Variants in SLC24A2 observed in about 807,000 individuals in gnomAD.
SLC24A2 encodes solute carrier family 24 member 2, also known as sodium/potassium/calcium exchanger 2.
A neutral mutation model predicts 62.0 loss-of-function variants in SLC24A2; 36 were observed. The ratio of observed to expected loss-of-function variants is 0.58; its 90% CI spans 0.44 to 0.77. The LOEUF is 0.77. SLC24A2 is among the 30% of genes least tolerant of loss of function. SLC24A2 has a pLI of 0.00. For synonymous variants in SLC24A2, 358 were observed against 294.0 expected (o/e 1.22, Z -2.23); for missense variants, 846 against 817.9 (o/e 1.03, Z -0.42).
the SLC24A2 span, among the ~76,000 whole-genome samples, chr9:19,889,541 T>C: frequency 2.0e-5 from 3 of 152,202 alleles, no homozygotes; most frequent in Admixed American, 2.0e-4. Flanking sequence ...TCTTCCCCTA[T>C]TGTCTTTTCA....
At chr9:20,001,462 C>T in the SLC24A2 span, among the ~76,000 whole-genome samples, 12 of 152,314 alleles carry the variant, frequency 7.9e-5, 1 homozygote, top group East Asian at 1.2e-3. Context: ...AAATCATTCT[C>T]GCCCAATCTG....
At chr9:19,849,598 T>C in the SLC24A2 span, among the ~76,000 whole-genome samples, 155 of 152,316 alleles carry the variant, frequency 1.0e-3, 1 homozygote, top group East Asian at 0.018. Flanking sequence ...AAAAATGAAA[T>C]GCATTATTGT....
At chr9:20,032,999 G>T in the SLC24A2 span, among the ~76,000 whole-genome samples, 1 of 152,332 alleles carries the variant, frequency 6.6e-6, no homozygotes, top group Non-Finnish European at 1.5e-5. Context: ...TGGTGAATCA[G>T]ATATTCAACA....
At chr9:20,265,723 G>A in the SLC24A2 span, among the ~76,000 whole-genome samples, 5 of 152,252 alleles carry the variant, frequency 3.3e-5, no homozygotes, top group Non-Finnish European at 1.5e-5. Flanking sequence ...GAACAAGAGA[G>A]ATAACCTTAA....
the SLC24A2 span, among the ~76,000 whole-genome samples, chr9:20,180,890 C>T: frequency 1.3e-5 from 2 of 152,186 alleles, no homozygotes; most frequent in South Asian, 2.1e-4. Flanking sequence ...GCTGTTTCTT[C>T]CCCGTTTCTC....
At chr9:19,779,904 T>C (rs1822960145) in intron 2 of SLC24A2, among the ~76,000 whole-genome samples, 2 of 149,132 alleles carry the variant, frequency 1.3e-5, no homozygotes, top group South Asian at 4.3e-4. Flanking sequence ...GTAAAAAAAG[T>C]ACAGAAAAAT....
rs949032234 is a variant in SLC24A2 at position 19,510,237 on chromosome 9, A to G, written c.*5916T>C. 4 of 152,116 alleles carry G rather than the reference A, an allele frequency of 2.6e-5. No individual in the cohort carries two copies. The highest frequency in any genetic ancestry group is 9.7e-5 in the African/African-American group (4 of 41,406). The allele number at this position is 152,116 out of a possible 1,614,324, so 9.4% of individuals were successfully genotyped here. On this transcript the variant is annotated 3_prime_UTR_variant, in exon 11 of 11. Transcript: ENST00000341998. ...CAGACAGTGATTATCATTAGTCATA[A>G]GGTTCCATCATTTAAGAACAATATA...
the SLC24A2 span, among the ~76,000 whole-genome samples, chr9:20,061,150 A>C: frequency 3.7e-4 from 56 of 152,336 alleles, no homozygotes; most frequent in African/African-American, 1.2e-3. Context: ...ACCTAAAATA[A>C]AGCAATTTTG....
chr9:19,684,602 C>T (rs1587148567), intron 2 of SLC24A2, among the ~76,000 whole-genome samples: 1 of 152,044 alleles, frequency 6.6e-6, no homozygotes, highest in Non-Finnish European at 1.5e-5. Flanking sequence ...TTAAGGGTTT[C>T]AGGGTAGTGA....
At chr9:19,556,836 G>A (rs951504789) in intron 7 of SLC24A2, among the ~76,000 whole-genome samples, 7 of 152,180 alleles carry the variant, frequency 4.6e-5, no homozygotes. Flanking sequence ...TTATTGCAAG[G>A]CAGAGCTCAT....
At chr9:19,538,661 TTC>T (rs1260883174) in intron 8 of SLC24A2, among the ~76,000 whole-genome samples, 10 of 126,998 alleles carry the variant, frequency 7.9e-5, no homozygotes, top group Admixed American at 7.5e-4. Flanking sequence ...TGGTGTAAAA[TTC>T]TCTTTTTTGG....
the SLC24A2 span, among the ~76,000 whole-genome samples, chr9:19,897,377 G>A: frequency 6.6e-6 from 1 of 151,820 alleles, no homozygotes; most frequent in Non-Finnish European, 1.5e-5. Context: ...GCCTATGAAA[G>A]TTTACTTTTC....
chr9:20,268,970 T>C, the SLC24A2 span, among the ~76,000 whole-genome samples: 1 of 152,218 alleles, frequency 6.6e-6, no homozygotes, highest in Non-Finnish European at 1.5e-5. Flanking sequence ...GAACCCACTA[T>C]GGACCCCTTT....
chr9:19,716,172 A>G lies in SLC24A2; in HGVS notation c.930+69765T>C, dbSNP rs141553917. ...CTATGTTTTCTTTCCTTCTTTTTCT[A>G]TTTCTCCCTTTTGCCTTTCCTAATC... On this transcript the variant is annotated intron_variant, in intron 2 of 10. Transcript: ENST00000341998. 8.1e-4 allele frequency among the ~76,000 whole-genome samples: 123 copies of G among 151,992 alleles called. 1 individual carries two copies. Among genetic ancestry groups the G allele is most frequent in the Middle Eastern group, 3.4e-3 (1 of 294 alleles).
At chr9:19,719,495 C>A (rs577228819) in intron 2 of SLC24A2, among the ~76,000 whole-genome samples, 1 of 152,104 alleles carries the variant, frequency 6.6e-6, no homozygotes, top group Non-Finnish European at 1.5e-5. Context: ...AGAGTGAGAG[C>A]TGAGGCTGAG....
Position 19,541,496 on chromosome 9 carries a change from G to T in SLC24A2, c.1479+8641C>A, listed in dbSNP as rs553222822. ...GGTGTCAGTGTGCCCCTGCTGGGGG[G>T]TGCCTCCCAGTTAGGCTGCTCGGGG... On this transcript the variant is annotated intron_variant, in intron 8 of 10. Coordinates refer to ENST00000341998, the MANE Select transcript of SLC24A2 (RefSeq NM_020344.4). Among the ~76,000 whole-genome samples, 7 of 149,094 alleles carry T rather than the reference G, an allele frequency of 4.7e-5. 1 individual carries two copies. The South Asian group carries it at 1.5e-3, about 32-fold the overall frequency.
intron 4 of SLC24A2, among the ~76,000 whole-genome samples, chr9:19,616,385 G>A (rs1398616335): frequency 1.3e-5 from 2 of 152,094 alleles, no homozygotes; most frequent in Non-Finnish European, 2.9e-5. Context: ...ACTGAGATAC[G>A]GAAAGATTAG....
chr9:20,218,175 T>C, the SLC24A2 span, among the ~76,000 whole-genome samples: 1 of 152,214 alleles, frequency 6.6e-6, no homozygotes, highest in Non-Finnish European at 1.5e-5. Context: ...CACTGCAGGC[T>C]ACCATCATCA....
At chr9:20,177,653 C>T in the SLC24A2 span, among the ~76,000 whole-genome samples, 1 of 152,014 alleles carries the variant, frequency 6.6e-6, no homozygotes, top group African/African-American at 2.4e-5. Context: ...ATCCTTTAGG[C>T]TATGGGTGAG....
Sources: gnomAD v4.1 joint callset for allele counts (sites outside exome capture counted in the v4.1 genomes callset) on GRCh38, gnomAD v4.1.1 for gene constraint, MANE v1.5 for transcripts, NCBI Gene and HGNC (gene_info 2026-07-23, HGNC 2026-07-21) for gene names.